BTBD1: variants seen among roughly 807,000 people sequenced by gnomAD.
BTBD1 encodes the protein BTB/POZ domain-containing protein 1.
BTBD1 carries 34 observed loss-of-function variants against 48.0 expected under a neutral mutation model. The observed-to-expected ratio is 0.71, with a 90% CI of 0.54 to 0.94. The LOEUF (loss-of-function observed/expected upper bound fraction) is 0.94. Among genes scored for constraint, BTBD1 ranks in the 40% least tolerant of loss-of-function variants. BTBD1 has a pLI of 0.00. For synonymous variants in BTBD1, 261 were observed against 242.1 expected (o/e 1.08, Z -0.72); for missense variants, 543 against 625.6 (o/e 0.87, Z 1.41).
chr15:83,018,011 GTTT>G lies in BTBD1; in HGVS notation c.*53_*55del. 1 of 1,234,438 alleles carries G rather than the reference GTTT, an allele frequency of 8.1e-7. No individual in the cohort carries two copies. The highest frequency in any genetic ancestry group is 1.1e-6 in the Non-Finnish European group (1 of 915,642). 76.5% of individuals were successfully genotyped at this position (1,234,438 alleles called of 1,614,324 possible). A position where few individuals can be genotyped will look rare whatever the true frequency, so the allele number is the denominator to read the frequency against. On this transcript the variant is annotated 3_prime_UTR_variant, in exon 8 of 8. Coordinates refer to ENST00000261721, the MANE Select transcript of BTBD1 (RefSeq NM_025238.4). Reference sequence around the variant, plus strand: ...AAACTACTTTTTTGTGGCCATTTATGTTTTTGACACTAGATTGTATGGTATTAT... The same window carrying G: ...AAACTACTTTTTTGTGGCCATTTATGTTGACACTAGATTGTATGGTATTAT...
At chr15:83,058,328 CTT>C (rs1567113107) in intron 1 of BTBD1, among the ~76,000 whole-genome samples, 2 of 152,212 alleles carry the variant, frequency 1.3e-5, no homozygotes, top group Admixed American at 6.5e-5. Context: ...TCCAACCTCT[CTT>C]TTTCTCTTCA....
chr15:83,017,448 TTACTA>T lies in BTBD1; in HGVS notation c.*614_*618del, dbSNP rs1291214175. 1.3e-5 allele frequency: 2 copies of T among 152,648 alleles called. No homozygotes were observed. The highest frequency in any genetic ancestry group is 4.8e-5 in the African/African-American group (2 of 41,450). The allele number at this position is 152,648 out of a possible 1,614,324, so 9.5% of individuals were successfully genotyped here. A position where few individuals can be genotyped will look rare whatever the true frequency, so the allele number is the denominator to read the frequency against. On this transcript the variant is annotated 3_prime_UTR_variant, in exon 8 of 8. Transcript: ENST00000261721. ...CTTTAAAACTGTACTACATAACACA[TTACTA>T]TACTACTACAAAATATCCTTCTCTA...
intron 3 of BTBD1, among the ~76,000 whole-genome samples, chr15:83,048,145 A>G (rs1047752114): frequency 1.3e-5 from 2 of 152,218 alleles, no homozygotes; most frequent in African/African-American, 4.8e-5. Flanking sequence ...GCACCTGCTG[A>G]TAAGACTGCA....
chr15:83,060,114 T>C (rs1191673916), intron 1 of BTBD1, among the ~76,000 whole-genome samples: 1 of 152,196 alleles, frequency 6.6e-6, no homozygotes, highest in Non-Finnish European at 1.5e-5. Context: ...TCTCAATAAA[T>C]ACACGTTAAT....
rs760395541 is a variant in BTBD1, at chr15:83,020,700, G to A, written c.1118C>T (p.Pro373Leu). The change falls in exon 6 of 8, where the codon CCT (proline) becomes CTT (leucine). Residue 373 changes from proline (P) to leucine (L), a missense_variant. Physicochemically the swap from Pro to Leu is moderately conservative, Grantham distance 98. This residue lies in a region of BTBD1 where 300 missense variants were observed against 350.0 expected (regional missense o/e 0.86). Coordinates refer to ENST00000261721, the MANE Select transcript of BTBD1 (RefSeq NM_025238.4). ...CTGTATATTCACTTGATAATCTGTA[G>A]GGCCATGAATAGATCCATACAAGCC... ...GFGLYGSIHG[P>L]TDYQVNIQII... 3 of 1,602,770 alleles carry A rather than the reference G, an allele frequency of 1.9e-6. No individual in the cohort carries two copies. In the South Asian group the frequency reaches 3.3e-5, roughly 18 times the overall value.
Position 83,030,165 on chromosome 15 carries a change from C to G in BTBD1, c.1026G>C (p.Trp342Cys). The G allele has an allele frequency of 1.2e-6, 2 of 1,614,068 alleles. No homozygotes were observed. Among genetic ancestry groups the G allele is most frequent in the Non-Finnish European group, 8.5e-7 (1 of 1,180,028 alleles). Reference sequence around the variant, plus strand: ...TTCGATCACTCGTCCCACTGTAACCCCAGCGGCTTTCTACTTGCTGGAATC... The same window carrying G: ...TTCGATCACTCGTCCCACTGTAACCGCAGCGGCTTTCTACTTGCTGGAATC... ...INRFQQVESR[W>C]GYSGTSDRIR... The change falls in exon 5 of 8, where the codon TGG becomes TGC. Residue 342 changes from tryptophan (W) to cysteine (C), a missense_variant. Physicochemically the swap from Trp to Cys is radical, Grantham distance 215. Around this residue, in one of 3 missense-constraint regions of BTBD1, gnomAD observed 300 missense variants for 350.0 expected, o/e 0.86. Transcript: ENST00000261721.
intron 4 of BTBD1, among the ~76,000 whole-genome samples, chr15:83,038,828 A>G (rs1470885875): frequency 1.3e-5 from 2 of 152,226 alleles, no homozygotes; most frequent in Non-Finnish European, 2.9e-5. Flanking sequence ...TTGGCTAGCC[A>G]TATGCTGAAG....
chr15:83,056,605 T>G, intron 1 of BTBD1, 60 bp from the exon 2 acceptor site: 1 of 1,428,390 alleles, frequency 7.0e-7, no homozygotes, highest in Non-Finnish European at 9.8e-7. Context: ...AAGCAATCCA[T>G]CACAGTTAAA....
chr15:83,018,243 G>A lies in BTBD1; in HGVS notation c.1291-18C>T, dbSNP rs768989446. 7 of 1,525,820 alleles carry A rather than the reference G, an allele frequency of 4.6e-6. No individual in the cohort carries two copies. The South Asian group carries it at 6.8e-5, about 15-fold the overall frequency. 94.5% of individuals were successfully genotyped at this position (1,525,820 alleles called of 1,614,324 possible). Reference sequence around the variant, plus strand: ...TCTGGACCCTAAATGAGAACAAAAGGTTCCTTAGTAATTTTCATTTAATAA... The same window carrying A: ...TCTGGACCCTAAATGAGAACAAAAGATTCCTTAGTAATTTTCATTTAATAA... On this transcript the variant is annotated intron_variant, in intron 7 of 7. Transcript: ENST00000261721.
rs534536486 is a variant in BTBD1, at chr15:83,041,717, T to G, written c.862+11A>C. On this transcript the variant is annotated intron_variant, in intron 4 of 7. Transcript: ENST00000261721. Reference sequence around the variant, plus strand: ...AGTTTCAAATAGATTTTGGTGAATTTATACCCTTACCTGCTGCAAATTCCT... The same window carrying G: ...AGTTTCAAATAGATTTTGGTGAATTGATACCCTTACCTGCTGCAAATTCCT... 4.9e-5 allele frequency: 79 copies of G among 1,613,176 alleles called. No homozygotes were observed. In the East Asian group the frequency reaches 1.6e-3, roughly 33 times the overall value.
chr15:83,023,517 C>CCTGTG (rs1195975185), intron 5 of BTBD1, among the ~76,000 whole-genome samples: 1 of 151,900 alleles, frequency 6.6e-6, no homozygotes, highest in Non-Finnish European at 1.5e-5. Flanking sequence ...GTATCTGGGA[C>CCTGTG]CACAGGTGCA....
At chr15:83,026,742 G>A (rs1030160775) in intron 5 of BTBD1, among the ~76,000 whole-genome samples, 9 of 151,806 alleles carry the variant, frequency 5.9e-5, no homozygotes, top group African/African-American at 2.2e-4. Context: ...GACTGGTCTC[G>A]AGCTCCCGAC....
At chr15:83,060,725 C>T (rs1410602380) in intron 1 of BTBD1, among the ~76,000 whole-genome samples, 1 of 152,042 alleles carries the variant, frequency 6.6e-6, no homozygotes, top group African/African-American at 2.4e-5. Flanking sequence ...ACCCAGCAAG[C>T]GGAGATTGGG....
chr15:83,021,770 A>AATAATAATAATAATAATAATAAT (rs2032304282), intron 5 of BTBD1, among the ~76,000 whole-genome samples: 1 of 148,930 alleles, frequency 6.7e-6, no homozygotes, highest in African/African-American at 2.5e-5. Context: ...TAATAATAAT[A>AATAATAATAATAATAATAATAAT]CATATGGAAC....
At chr15:83,034,599 G>C (rs2032589563) in intron 4 of BTBD1, among the ~76,000 whole-genome samples, 1 of 152,100 alleles carries the variant, frequency 6.6e-6, no homozygotes, top group African/African-American at 2.4e-5. Context: ...GGGTGACAGA[G>C]GGAGACTGTC....
intron 5 of BTBD1, chr15:83,029,425 T>C (rs1366355098): frequency 6.6e-6 from 1 of 152,256 alleles, no homozygotes; most frequent in African/African-American, 2.4e-5. Context: ...AAATGTATAC[T>C]GAGATACTTT....
chr15:83,032,983 A>C lies in BTBD1; in HGVS notation c.863-2655T>G, dbSNP rs538166287. 1.7e-4 allele frequency among the ~76,000 whole-genome samples: 26 copies of C among 151,652 alleles called. No homozygotes were observed. The South Asian group carries it at 5.2e-3, about 30-fold the overall frequency. ...TTACTCTGTCTCAAAAAAAAAAAAA[A>C]AAAAACAGAATAGAATTGCATTCAA... On this transcript the variant is annotated intron_variant, in intron 4 of 7. Coordinates refer to ENST00000261721, the MANE Select transcript of BTBD1 (RefSeq NM_025238.4).
chr15:83,025,925 A>G (rs2151300821), intron 5 of BTBD1, among the ~76,000 whole-genome samples: 1 of 152,158 alleles, frequency 6.6e-6, no homozygotes, highest in Admixed American at 6.5e-5. Flanking sequence ...GCCCACCACC[A>G]CGCCCGGCTA....
At chr15:83,020,849 G>A in intron 5 of BTBD1, 87 bp from the exon 6 acceptor site, 2 of 735,894 alleles carry the variant, frequency 2.7e-6, no homozygotes, top group Non-Finnish European at 2.2e-6. Context: ...GTGTAACCTG[G>A]AACATCCAGT....
Sources: allele counts gnomAD v4.1 joint callset (sites outside exome capture counted in the v4.1 genomes callset), GRCh38; gene constraint gnomAD v4.1.1; regional missense constraint gnomAD v4.1.1; transcripts MANE v1.5; gene names NCBI Gene and HGNC (gene_info 2026-07-23, HGNC 2026-07-21).